Variants in TMEM40 observed in about 807,000 individuals in gnomAD.
TMEM40 encodes the protein transmembrane protein 40.
In TMEM40, 34 loss-of-function variants were observed where a neutral mutation model predicts 40.8. The ratio of observed to expected loss-of-function variants is 0.83; its 90% CI spans 0.63 to 1.11. The LOEUF (loss-of-function observed/expected upper bound fraction) is 1.11, where lower values mean the gene tolerates loss of function less well. TMEM40 is among the 50% of genes least tolerant of loss of function. TMEM40 has a pLI of 0.00. For synonymous variants in TMEM40, 106 were observed against 107.0 expected, an observed-to-expected ratio of 0.99 and a Z score of 0.06; for missense variants, 296 against 280.2, an observed-to-expected ratio of 1.06 and a Z score of -0.40.
At chr3:12,762,782 G>A (rs1451506573), upstream of TMEM40, among the ~76,000 whole-genome samples, 1 of 152,088 alleles carries the variant, frequency 6.6e-6, no homozygotes, top group Admixed American at 6.6e-5. Context: ...ACCCCATCCC[G>A]GGCCTGAATC....
intron 5 of TMEM40, among the ~76,000 whole-genome samples, chr3:12,741,806 AAAG>A (rs999649282): frequency 6.6e-6 from 1 of 151,836 alleles, no homozygotes; most frequent in Non-Finnish European, 1.5e-5. Context: ...AGAAAGAAAG[AAAG>A]AAGGACCAGG....
At chr3:12,747,323 G>C (rs986977892) in intron 3 of TMEM40, among the ~76,000 whole-genome samples, 1 of 152,104 alleles carries the variant, frequency 6.6e-6, no homozygotes, top group African/African-American at 2.4e-5. Flanking sequence ...AAGACCTCCG[G>C]GGAATCCCAA....
chr3:12,757,630 T>A (rs1017010075), intron 1 of TMEM40, among the ~76,000 whole-genome samples: 1 of 152,196 alleles, frequency 6.6e-6, no homozygotes, highest in African/African-American at 2.4e-5. Context: ...GGAGCCCTCA[T>A]ACATTGCTGG....
At position 12,736,665 on chromosome 3, in the gene TMEM40, T is replaced by C. The variant is rs767687824; in HGVS notation, c.545-13A>G. The stretch of plus-strand genomic sequence containing the variant: ...GACATGAACCAGTCTGGAAGGGCAG[T>C]GAGGGAGGGAATGGTCAGCCTCCAG... On this transcript the variant is annotated splice_polypyrimidine_tract_variant and intron_variant, in intron 9 of 11. Transcript: ENST00000314124. 1.6e-5 allele frequency: 26 copies of C among 1,610,714 alleles called. No individual in the cohort carries two copies. The highest frequency in any genetic ancestry group is 1.7e-4 in the Middle Eastern group (1 of 6,058).
intron 1 of TMEM40, among the ~76,000 whole-genome samples, chr3:12,754,352 G>A (rs905697167): frequency 3.9e-5 from 6 of 152,072 alleles, no homozygotes; most frequent in African/African-American, 1.2e-4. Context: ...AATAATGGCT[G>A]TACAGAAAGA....
chr3:12,768,782 GC>G (rs1055360625), intron 1 of TMEM40, among the ~76,000 whole-genome samples: 6 of 152,098 alleles, frequency 3.9e-5, no homozygotes, highest in Admixed American at 3.9e-4. Flanking sequence ...CCAGTCCCGC[GC>G]AGTGCTCCCA....
At chr3:12,736,931 T>G in intron 8 of TMEM40, 96 bp from the exon 9 acceptor site, 1 of 1,474,642 alleles carries the variant, frequency 6.8e-7, no homozygotes, top group Non-Finnish European at 9.5e-7. Context: ...CAGGGTGGAG[T>G]GCAGTTGTGC....
intron 9 of TMEM40, 32 bp downstream of exon 9, chr3:12,736,732 C>T (rs1293150999): frequency 6.2e-7 from 1 of 1,614,028 alleles, no homozygotes; most frequent in East Asian, 2.2e-5. Context: ...ATGCCATCCC[C>T]CTTGTGCATT....
chr3:12,743,806 A>C, intron 4 of TMEM40, 94 bp downstream of exon 4: 1 of 1,235,562 alleles, frequency 8.1e-7, no homozygotes, highest in Non-Finnish European at 1.2e-6. Context: ...TCCTGCCATA[A>C]ACAATGCTGT....
At chr3:12,740,218 T>C (rs754068184) in intron 5 of TMEM40, among the ~76,000 whole-genome samples, 1 of 151,256 alleles carries the variant, frequency 6.6e-6, no homozygotes, top group Non-Finnish European at 1.5e-5. Context: ...CTCAGGCTCC[T>C]GAGTAGCTGG....
At chr3:12,754,705 G>A (rs1019008589) in intron 1 of TMEM40, among the ~76,000 whole-genome samples, 1 of 152,182 alleles carries the variant, frequency 6.6e-6, no homozygotes, top group Non-Finnish European at 1.5e-5. Flanking sequence ...TCCAGAGGAT[G>A]TAGCAGGTAC....
rs1286149706 is a variant in TMEM40, at chr3:12,759,231, G to C, written c.-49C>G. The C allele has an allele frequency of 6.5e-6, 1 of 152,698 alleles. No homozygotes were observed. The highest frequency in any genetic ancestry group is 2.4e-5 in the African/African-American group (1 of 41,472). 9.5% of individuals were successfully genotyped at this position (152,698 alleles called of 1,614,324 possible). ...TTGTCTGGGCAGCAAGGGGAGCTCTGTGTAGACTATGTGGATGCTGGGCTG... is the reference window on the plus strand; with the variant it reads ...TTGTCTGGGCAGCAAGGGGAGCTCTCTGTAGACTATGTGGATGCTGGGCTG... On this transcript the variant is annotated 5_prime_UTR_variant, in exon 1 of 12. Transcript: ENST00000314124.
chr3:12,746,149 C>T (rs1003774345), intron 3 of TMEM40, among the ~76,000 whole-genome samples: 3 of 150,098 alleles, frequency 2.0e-5, no homozygotes, highest in African/African-American at 4.9e-5. Flanking sequence ...CTGCCCGCCT[C>T]GGCCTCCCAA....
intron 6 of TMEM40, 125 bp from the exon 7 acceptor site, chr3:12,738,293 G>A: frequency 8.7e-7 from 1 of 1,145,344 alleles, no homozygotes; most frequent in East Asian, 2.5e-5. Context: ...AGCCCCCACG[G>A]TATCCTTCTC....
At chr3:12,735,646 TAA>T in intron 10 of TMEM40, 29 bp from the exon 11 acceptor site, 1 of 1,604,544 alleles carries the variant, frequency 6.2e-7, no homozygotes, top group East Asian at 2.2e-5. Flanking sequence ...AAAAGTAAGT[TAA>T]GTTTGTGCCC....
At chr3:12,755,257 T>C (rs138349421) in intron 1 of TMEM40, among the ~76,000 whole-genome samples, 2,978 of 121,100 alleles carry the variant, frequency 0.025, 191 homozygotes, top group African/African-American at 0.1. Context: ...CTTTCTTTCT[T>C]TCTTTCTTTC....
At chr3:12,746,912 G>A (rs991379257) in intron 3 of TMEM40, among the ~76,000 whole-genome samples, 4 of 152,118 alleles carry the variant, frequency 2.6e-5, no homozygotes, top group Non-Finnish European at 5.9e-5. Flanking sequence ...TGCCCAGGGA[G>A]GAGAAACAAA....
intron 1 of TMEM40, among the ~76,000 whole-genome samples, chr3:12,768,984 G>GGC (rs2061609051): frequency 6.6e-6 from 1 of 150,694 alleles, no homozygotes; most frequent in Non-Finnish European, 1.5e-5. Flanking sequence ...GCACAGGCAA[G>GGC]GCGCACTGCA....
Position 12,742,459 on chromosome 3 carries a change from T to A in TMEM40, c.350A>T (p.Tyr117Phe), listed in dbSNP as rs1047604956. 1.9e-6 allele frequency: 3 copies of A among 1,613,856 alleles called. No homozygotes were observed. In the African/African-American group the frequency reaches 4.0e-5, roughly 22 times the overall value. Residue 117 changes from tyrosine to phenylalanine, a missense_variant, in exon 5 of 12, where the codon TAT becomes TTT. Coordinates refer to ENST00000314124, the MANE Select transcript of TMEM40 (RefSeq NM_018306.4). ...PDVLKDELQL[Y>F]GDAPGEVVPS... The stretch of plus-strand genomic sequence containing the variant: ...GCTACTGGGCAACTGATTACCTCCA[T>A]AGAGTTGAAGCTCATCCTTCAAAAC...
Sources: gnomAD v4.1 joint callset for allele counts (sites outside exome capture counted in the v4.1 genomes callset) on GRCh38, gnomAD v4.1.1 for gene constraint, MANE v1.5 for transcripts, NCBI Gene and HGNC (gene_info 2026-07-23, HGNC 2026-07-21) for gene names.